SNTG1: variants seen among roughly 807,000 people sequenced by gnomAD.
SNTG1 encodes gamma-1-syntrophin.
In SNTG1, 39 loss-of-function variants were observed where a neutral mutation model predicts 74.7. That is an observed-to-expected ratio of 0.52 (90% CI 0.40 to 0.68). The LOEUF is 0.68. Among genes scored for constraint, SNTG1 ranks in the 30% least tolerant of loss-of-function variants. SNTG1 has a pLI of 0.00. For missense variants in SNTG1, 685 were observed against 609.5 expected, an observed-to-expected ratio of 1.12 and a Z score of -1.30; for synonymous variants, 254 against 217.1, an observed-to-expected ratio of 1.17 and a Z score of -1.49.
intron 9 of SNTG1, among the ~76,000 whole-genome samples, chr8:50,512,059 T>G (rs374311341): frequency 2.6e-5 from 4 of 152,076 alleles, no homozygotes; most frequent in Non-Finnish European, 4.4e-5. Context: ...GGTACTGGTT[T>G]TTCCTTTCCA....
intron 15 of SNTG1, among the ~76,000 whole-genome samples, chr8:50,696,398 T>C (rs2095405403): frequency 6.6e-6 from 1 of 152,100 alleles, no homozygotes; most frequent in Admixed American, 6.6e-5. Flanking sequence ...CTTGAAAATA[T>C]TTTTTTCTCA....
chr8:50,411,923 G>A (rs940659358), intron 4 of SNTG1, among the ~76,000 whole-genome samples: 4 of 152,120 alleles, frequency 2.6e-5, no homozygotes, highest in Non-Finnish European at 4.4e-5. Flanking sequence ...CATAGTCTGG[G>A]CAGCAGTCCC....
intron 1 of SNTG1, among the ~76,000 whole-genome samples, chr8:50,031,164 C>A (rs2130754757): frequency 6.6e-6 from 1 of 151,988 alleles, no homozygotes; most frequent in African/African-American, 2.4e-5. Flanking sequence ...TTTTTTCTTA[C>A]AGATTTTTTA....
chr8:50,464,988 C>T (rs77095847), intron 8 of SNTG1, among the ~76,000 whole-genome samples: 8,075 of 151,058 alleles, frequency 0.053, 330 homozygotes, highest in South Asian at 0.18. Context: ...ACTTTCTCCA[C>T]ACAGGCTTGT....
chr8:50,212,046 T>C (rs6988388), intron 2 of SNTG1, among the ~76,000 whole-genome samples: 49 of 152,306 alleles, frequency 3.2e-4, no homozygotes, highest in African/African-American at 1.2e-3. Flanking sequence ...TAAATAAATA[T>C]ACTATCACGC....
chr8:49,980,976 CTG>C (rs1470383309), intron 1 of SNTG1, among the ~76,000 whole-genome samples: 1 of 152,184 alleles, frequency 6.6e-6, no homozygotes, highest in Non-Finnish European at 1.5e-5. Context: ...AGTCTCTTCT[CTG>C]TAAGTGCCCT....
At chr8:50,625,638 A>G (rs2094951424) in intron 13 of SNTG1, among the ~76,000 whole-genome samples, 1 of 152,196 alleles carries the variant, frequency 6.6e-6, no homozygotes, top group Non-Finnish European at 1.5e-5. Flanking sequence ...TGTGAAGTCA[A>G]CTTGCTAAAA....
intron 13 of SNTG1, among the ~76,000 whole-genome samples, chr8:50,603,659 G>A (rs927288706): frequency 6.6e-6 from 1 of 152,096 alleles, no homozygotes; most frequent in Admixed American, 6.5e-5. Context: ...CTTTCTTGGG[G>A]AGGCTTTCCA....
chr8:50,788,137 A>G (rs1192968760), intron 18 of SNTG1, among the ~76,000 whole-genome samples: 2 of 152,048 alleles, frequency 1.3e-5, no homozygotes, highest in East Asian at 3.9e-4. Context: ...ACCTATGAAT[A>G]ATGATGGAGC....
rs1284171440 is a variant in SNTG1, at chr8:50,795,726, G to A, written c.*2897G>A. On this transcript the variant is annotated 3_prime_UTR_variant, in exon 19 of 19. Coordinates refer to ENST00000642720, the MANE Select transcript of SNTG1 (RefSeq NM_018967.5). ...GCTAACTACTATAATAATGTCTTTTGCCTGATAAAGAATAACAATTCATCT... is the reference window on the plus strand; with the variant it reads ...GCTAACTACTATAATAATGTCTTTTACCTGATAAAGAATAACAATTCATCT... 1 of 152,020 alleles carries A rather than the reference G, an allele frequency of 6.6e-6. No homozygotes were observed. Among genetic ancestry groups the A allele is most frequent in the Non-Finnish European group, 1.5e-5 (1 of 67,974 alleles). 9.4% of individuals were successfully genotyped at this position (152,020 alleles called of 1,614,324 possible).
intron 2 of SNTG1, among the ~76,000 whole-genome samples, chr8:50,391,501 A>G (rs1263265408): frequency 6.6e-6 from 1 of 152,148 alleles, no homozygotes; most frequent in East Asian, 1.9e-4. Context: ...TTTTGCATCA[A>G]TGTTCATCAG....
chr8:50,061,267 A>G (rs1261490374), intron 1 of SNTG1, among the ~76,000 whole-genome samples: 2 of 152,048 alleles, frequency 1.3e-5, no homozygotes, highest in Non-Finnish European at 2.9e-5. Context: ...TTTTTGATTG[A>G]GTTTTTACAG....
intron 15 of SNTG1, among the ~76,000 whole-genome samples, chr8:50,673,209 T>C (rs1380677490): frequency 1.3e-5 from 2 of 152,186 alleles, no homozygotes; most frequent in Non-Finnish European, 2.9e-5. Flanking sequence ...CCTAATTTTG[T>C]GAAGAATGTC....
At chr8:50,012,491 G>T (rs1157076715) in intron 1 of SNTG1, among the ~76,000 whole-genome samples, 1 of 152,160 alleles carries the variant, frequency 6.6e-6, no homozygotes, top group African/African-American at 2.4e-5. Flanking sequence ...TTAGATATTG[G>T]CTGTAATTTC....
intron 1 of SNTG1, among the ~76,000 whole-genome samples, chr8:50,021,546 G>A (rs1816814286): frequency 1.3e-5 from 2 of 152,258 alleles, no homozygotes; most frequent in South Asian, 2.1e-4. Context: ...AGAACTCTGG[G>A]AACTCTAGTG....
intron 1 of SNTG1, among the ~76,000 whole-genome samples, chr8:49,919,332 T>C (rs1806324903): frequency 6.6e-6 from 1 of 152,128 alleles, no homozygotes; most frequent in South Asian, 2.1e-4. Flanking sequence ...AGTTATTGAC[T>C]AATATCTGCA....
intron 17 of SNTG1, among the ~76,000 whole-genome samples, chr8:50,750,783 A>G (rs747204220): frequency 6.6e-5 from 10 of 152,044 alleles, no homozygotes; most frequent in Non-Finnish European, 1.5e-4. Context: ...CAGTATAGAA[A>G]CAAACATCAC....
At chr8:50,661,178 T>C (rs1324991777) in intron 15 of SNTG1, among the ~76,000 whole-genome samples, 2 of 152,258 alleles carry the variant, frequency 1.3e-5, no homozygotes, top group Non-Finnish European at 2.9e-5. Context: ...TGAGCTTGCA[T>C]TTTATTAGGT....
At chr8:50,116,425 A>AT (rs1461345944) in intron 1 of SNTG1, among the ~76,000 whole-genome samples, 1 of 152,006 alleles carries the variant, frequency 6.6e-6, no homozygotes, top group Non-Finnish European at 1.5e-5. Flanking sequence ...TATTTCTATG[A>AT]TTTTTACCCA....
Sources: allele counts gnomAD v4.1 joint callset (sites outside exome capture counted in the v4.1 genomes callset), GRCh38; gene constraint gnomAD v4.1.1; transcripts MANE v1.5; gene names NCBI Gene and HGNC (gene_info 2026-07-23, HGNC 2026-07-21).